GPC6: variants seen among roughly 807,000 people sequenced by gnomAD.
GPC6 encodes glypican-6.
Under a neutral mutation model 55.2 loss-of-function variants are expected in GPC6, and 14 were observed. The observed-to-expected ratio is 0.25, with a 90% confidence interval of 0.17 to 0.40. The LOEUF is 0.40. GPC6 is among the 10% of genes least tolerant of loss of function. The pLI is 1.00. For synonymous variants in GPC6, 278 were observed against 259.6 expected, an observed-to-expected ratio of 1.07 and a Z score of -0.68; for missense variants, 641 against 708.5, an observed-to-expected ratio of 0.90 and a Z score of 1.08.
chr13:93,793,432 A>T (rs1886106066), intron 2 of GPC6, among the ~76,000 whole-genome samples: 1 of 152,184 alleles, frequency 6.6e-6, no homozygotes, highest in African/African-American at 2.4e-5. Context: ...AGATTTAAAT[A>T]AATTTTAAAG....
chr13:94,262,921 A>G (rs997202632), intron 4 of GPC6, among the ~76,000 whole-genome samples: 1 of 152,228 alleles, frequency 6.6e-6, no homozygotes, highest in East Asian at 1.9e-4. Context: ...TAATAACAAA[A>G]CATTGTGTAA....
rs774346401 is a variant in GPC6 at position 93,236,869 on chromosome 13, A to G, written c.160+9253A>G. On this transcript the variant is annotated intron_variant, in intron 1 of 8. Coordinates refer to ENST00000377047, the MANE Select transcript of GPC6 (RefSeq NM_005708.5). ...ACTTCATTTAGGATAATGGCCTCCA[A>G]TTCCATCCAAGTTACTGCAAAAGAC... Among the ~76,000 whole-genome samples the G allele has an allele frequency of 1.3e-5, 2 of 152,150 alleles. 1 individual carries two copies. The highest frequency in any genetic ancestry group is 4.1e-4 in the South Asian group (2 of 4,836).
intron 1 of GPC6, among the ~76,000 whole-genome samples, chr13:93,490,702 A>C (rs1417160857): frequency 9.7e-6 from 1 of 102,642 alleles, no homozygotes; most frequent in Non-Finnish European, 1.8e-5. Context: ...CCAGAGTGTG[A>C]TATTCCCCTT....
Position 93,883,929 on chromosome 13 carries a change from C to T in GPC6, c.711+53384C>T, listed in dbSNP as rs1472830163. On this transcript the variant is annotated intron_variant, in intron 3 of 8. Coordinates refer to ENST00000377047, the MANE Select transcript of GPC6 (RefSeq NM_005708.5). ...ATCTTTTCAATGTTATTGATGAACA[C>T]ATAAAATATATGTAAACATTGATAA... Among the ~76,000 whole-genome samples, 17 of 152,062 alleles carry T rather than the reference C, an allele frequency of 1.1e-4. 1 individual carries two copies. Among genetic ancestry groups the T allele is most frequent in the Admixed American group, 9.8e-4 (15 of 15,250 alleles).
At chr13:94,054,448 G>T (rs1004037884) in intron 4 of GPC6, among the ~76,000 whole-genome samples, 1 of 152,168 alleles carries the variant, frequency 6.6e-6, no homozygotes, top group African/African-American at 2.4e-5. Flanking sequence ...CAGTAGGTCT[G>T]GGGTGGGGAA....
intron 3 of GPC6, among the ~76,000 whole-genome samples, chr13:93,957,183 A>G (rs1879547094): frequency 6.6e-6 from 1 of 152,104 alleles, no homozygotes; most frequent in Admixed American, 6.6e-5. Flanking sequence ...ATAGTCATAA[A>G]CTATTTACTA....
intron 3 of GPC6, among the ~76,000 whole-genome samples, chr13:93,898,541 G>A (rs533515906): frequency 5.1e-4 from 78 of 152,064 alleles, no homozygotes; most frequent in African/African-American, 1.8e-3. Flanking sequence ...ATTAATCAGC[G>A]GACTGTAACA....
At chr13:93,635,863 C>T (rs539587325) in intron 2 of GPC6, among the ~76,000 whole-genome samples, 4 of 152,120 alleles carry the variant, frequency 2.6e-5, no homozygotes, top group Admixed American at 6.6e-5. Flanking sequence ...ACAGAGCCTG[C>T]GGTTTGTAGT....
chr13:94,222,832 T>TCC (rs1890426044), intron 4 of GPC6, among the ~76,000 whole-genome samples: 1 of 152,158 alleles, frequency 6.6e-6, no homozygotes, highest in Non-Finnish European at 1.5e-5. Context: ...TGATCTATTC[T>TCC]CCACCTGTGC....
intron 4 of GPC6, among the ~76,000 whole-genome samples, chr13:94,244,283 G>T (rs1285104642): frequency 6.6e-6 from 1 of 152,078 alleles, no homozygotes; most frequent in African/African-American, 2.4e-5. Flanking sequence ...AATTATGTCC[G>T]CATTATTTTG....
At chr13:93,538,759 A>C (rs1187233024) in intron 1 of GPC6, among the ~76,000 whole-genome samples, 2 of 152,136 alleles carry the variant, frequency 1.3e-5, no homozygotes, top group African/African-American at 2.4e-5. Flanking sequence ...AAAACCCTGT[A>C]TTGGGTACTC....
At chr13:93,884,395 A>G (rs1875197011) in intron 3 of GPC6, among the ~76,000 whole-genome samples, 1 of 152,102 alleles carries the variant, frequency 6.6e-6, no homozygotes, top group Non-Finnish European at 1.5e-5. Flanking sequence ...GCATTCCTTC[A>G]AATCATAGAT....
At chr13:93,272,492 G>GTATA (rs61556173) in intron 1 of GPC6, among the ~76,000 whole-genome samples, 22,093 of 136,606 alleles carry the variant, frequency 0.16, 1,866 homozygotes, top group Non-Finnish European at 0.21. Context: ...TTGTCTGTGT[G>GTATA]TATATATATA....
At chr13:93,875,933 G>C (rs1358729727) in intron 3 of GPC6, among the ~76,000 whole-genome samples, 1 of 152,004 alleles carries the variant, frequency 6.6e-6, no homozygotes, top group African/African-American at 2.4e-5. Flanking sequence ...TTCTAACAAG[G>C]CTCAGGCATT....
intron 1 of GPC6, among the ~76,000 whole-genome samples, chr13:93,274,056 A>G (rs1877644094): frequency 1.3e-5 from 2 of 152,116 alleles, no homozygotes; most frequent in African/African-American, 2.4e-5. Flanking sequence ...TCCACCCGCC[A>G]TGGCTGGGAT....
At chr13:94,289,228 G>T (rs529182097) in intron 5 of GPC6, among the ~76,000 whole-genome samples, 1 of 151,790 alleles carries the variant, frequency 6.6e-6, no homozygotes, top group African/African-American at 2.4e-5. Flanking sequence ...TCTCAAGTCC[G>T]ACAGAGCTTA....
At chr13:94,257,461 A>C (rs1891539396) in intron 4 of GPC6, among the ~76,000 whole-genome samples, 1 of 152,186 alleles carries the variant, frequency 6.6e-6, no homozygotes, top group Non-Finnish European at 1.5e-5. Context: ...GGGACAAGGC[A>C]CTGCGGTCAA....
chr13:93,409,958 C>G (rs1594150024), intron 1 of GPC6, among the ~76,000 whole-genome samples: 1 of 152,220 alleles, frequency 6.6e-6, no homozygotes, highest in South Asian at 2.1e-4. Flanking sequence ...TCACCAATTC[C>G]TTTTTGATTG....
intron 2 of GPC6, among the ~76,000 whole-genome samples, chr13:93,670,075 C>A (rs1881298963): frequency 2.6e-5 from 4 of 152,124 alleles, no homozygotes; most frequent in Admixed American, 2.6e-4. Context: ...AACAGGTGAT[C>A]CATTAAGGAC....
Sources: gnomAD v4.1 joint callset for allele counts (sites outside exome capture counted in the v4.1 genomes callset) on GRCh38, gnomAD v4.1.1 for gene constraint, MANE v1.5 for transcripts, NCBI Gene and HGNC (gene_info 2026-07-23, HGNC 2026-07-21) for gene names.